CAMSAP1: variants seen among roughly 807,000 people sequenced by gnomAD.
The protein encoded by CAMSAP1 is calmodulin-regulated spectrin-associated protein 1.
A neutral mutation model predicts 143.5 loss-of-function variants in CAMSAP1; 58 were observed. The observed-to-expected ratio is 0.40, with a 90% CI of 0.33 to 0.50. The LOEUF is 0.50. Ranked by LOEUF, CAMSAP1 falls within the 20% of genes least tolerant of loss-of-function variation. The pLI is 0.45. For missense variants in CAMSAP1, 1,969 were observed against 2,115.7 expected (o/e 0.93, Z 1.36); for synonymous variants, 945 against 859.3 (o/e 1.10, Z -1.74).
intron 11 of CAMSAP1, among the ~76,000 whole-genome samples, chr9:135,819,833 C>A (rs1012482220): frequency 2.6e-5 from 4 of 151,618 alleles, no homozygotes; most frequent in African/African-American, 9.7e-5. Context: ...GGCGACAGAG[C>A]CAGACTCTGT....
Position 135,850,311 on chromosome 9 carries a change from T to C in CAMSAP1, c.948+11A>G, listed in dbSNP as rs765754889. The C allele has an allele frequency of 3.5e-5, 56 of 1,610,218 alleles. No individual in the cohort carries two copies. The highest frequency in any genetic ancestry group is 4.6e-5 in the Non-Finnish European group (54 of 1,178,286). ...GGTTTTAAAACTGCATGCCAAATAA[T>C]TCGTTATTACCTTCAACACTAATGG... On this transcript the variant is annotated intron_variant, in intron 6 of 16. Transcript: ENST00000389532.
In CAMSAP1 at chr9:135,809,862, T is replaced by C. The variant is rs1034235825; in HGVS notation, c.*1447A>G. ...AGGAAAGGGGAATAAGACCTATAAT[T>C]CCTTCTAGCCTTCTGTACCATGTTC... On this transcript the variant is annotated 3_prime_UTR_variant, in exon 17 of 17. Transcript: ENST00000389532. 3 of 152,572 alleles carry C rather than the reference T, an allele frequency of 2.0e-5. No homozygotes were observed. Among genetic ancestry groups the C allele is most frequent in the African/African-American group, 4.8e-5 (2 of 41,458 alleles). 9.5% of individuals were successfully genotyped at this position (152,572 alleles called of 1,614,324 possible). A position where few individuals can be genotyped will look rare whatever the true frequency, so the allele number is the denominator to read the frequency against.
At position 135,811,372 on chromosome 9, in the gene CAMSAP1, G is replaced by A. The variant is rs377747568; in HGVS notation, c.4746C>T (p.Ile1582=). ...GCTTGGGCTGCCACAGGTGGTTGTG[G>A]ATTGTGAGTGCGTCCACACTGACAG... ...TMSVSVDALT[I]HNHLWQPKRP... is the part of the protein sequence containing the mutation. Residue 1582 remains isoleucine (I), a synonymous_variant, in exon 17 of 17, where the codon ATC becomes ATT. Transcript: ENST00000389532. This position sits in a 1 kb window ranked among gnomAD's most constrained non-coding sequence, Gnocchi z 4.9. 6.8e-6 allele frequency: 11 copies of A among 1,612,930 alleles called. No homozygotes were observed. Among genetic ancestry groups the A allele is most frequent in the African/African-American group, 1.3e-5 (1 of 74,924 alleles).
At chr9:135,819,689 A>G (rs964847180) in intron 11 of CAMSAP1, among the ~76,000 whole-genome samples, 1 of 151,474 alleles carries the variant, frequency 6.6e-6, no homozygotes, top group Non-Finnish European at 1.5e-5. Context: ...AAAAAAAAAA[A>G]AAAAAAAATT....
In CAMSAP1 at chr9:135,866,159, G is replaced by A. The variant is rs1017770407; in HGVS notation, c.666+297C>T. On this transcript the variant is annotated intron_variant, in intron 4 of 16. Coordinates refer to ENST00000389532, the MANE Select transcript of CAMSAP1 (RefSeq NM_015447.4). ...CCCCCTTGTTTGTTGACTTGTGGAA[G>A]CTAGCACCCAGGTGGGCCCTACGTC... is the stretch of plus-strand genomic sequence containing the variant. Among the ~76,000 whole-genome samples the A allele has an allele frequency of 7.2e-5, 11 of 152,324 alleles. 1 individual carries two copies. In the South Asian group the frequency reaches 1.2e-3, roughly 17 times the overall value.
chr9:135,826,957 CTT>C lies in CAMSAP1; in HGVS notation c.1223+448_1223+449del, dbSNP rs2131674285. Among the ~76,000 whole-genome samples the C allele has an allele frequency of 6.6e-6, 1 of 152,344 alleles. No homozygotes were observed. Among genetic ancestry groups the C allele is most frequent in the African/African-American group, 2.4e-5 (1 of 41,568 alleles). Reference sequence around the variant, plus strand: ...TTTAGCCTTTAAGCAGCTCTATACACTTTTTCACTCGAATCAAATTAATTCTT... The same window carrying C: ...TTTAGCCTTTAAGCAGCTCTATACACTTTCACTCGAATCAAATTAATTCTT... On this transcript the variant is annotated intron_variant, in intron 8 of 16. Transcript: ENST00000389532. The surrounding 1 kb of genome is among the most constrained non-coding windows in gnomAD (Gnocchi z 4.4).
intron 7 of CAMSAP1, chr9:135,837,046 C>T (rs1836084638): frequency 2.8e-6 from 2 of 714,194 alleles, no homozygotes; most frequent in African/African-American, 1.9e-5. Flanking sequence ...TCTAGAGACA[C>T]ACATCATCAT....
intron 14 of CAMSAP1, 45 bp downstream of exon 14, chr9:135,817,932 G>C (rs376962157): frequency 6.5e-7 from 1 of 1,548,868 alleles, no homozygotes; most frequent in Non-Finnish European, 8.9e-7. Flanking sequence ...CTGCCCCTCC[G>C]AACGTCCTCC....
chr9:135,839,975 G>A (rs1171883151), intron 7 of CAMSAP1, among the ~76,000 whole-genome samples: 1 of 152,200 alleles, frequency 6.6e-6, no homozygotes, highest in African/African-American at 2.4e-5. Context: ...AGGTAGGCAG[G>A]TATGGAGACT....
intron 3 of CAMSAP1, among the ~76,000 whole-genome samples, chr9:135,875,211 A>T (rs992438803): frequency 6.8e-6 from 1 of 147,068 alleles, no homozygotes; most frequent in Non-Finnish European, 1.5e-5. Flanking sequence ...AGTGAAAACA[A>T]TTTTTTTTTT....
chr9:135,816,607 C>G (rs1396763883), intron 14 of CAMSAP1, among the ~76,000 whole-genome samples: 1 of 152,224 alleles, frequency 6.6e-6, no homozygotes, highest in Non-Finnish European at 1.5e-5. Context: ...GCCAGGGTAA[C>G]TGACCACCAG....
In CAMSAP1 at chr9:135,852,892, T is replaced by C; in HGVS notation, c.809-2431A>G. Among the ~76,000 whole-genome samples, 2 of 152,020 alleles carry C rather than the reference T, an allele frequency of 1.3e-5. 1 individual carries two copies. The highest frequency in any genetic ancestry group is 6.8e-3 in the Middle Eastern group (2 of 294). ...GGCCATCCGGATATAAACAAACACA[T>C]GAATAAAGAAGCAAGCAAGTGGGGC... On this transcript the variant is annotated intron_variant, in intron 5 of 16. Coordinates refer to ENST00000389532, the MANE Select transcript of CAMSAP1 (RefSeq NM_015447.4).
chr9:135,836,175 T>G, intron 7 of CAMSAP1: 2 of 985,350 alleles, frequency 2.0e-6, no homozygotes, highest in Non-Finnish European at 2.4e-6. Flanking sequence ...CAGACGCACA[T>G]CACCACATAC....
intron 1 of CAMSAP1, among the ~76,000 whole-genome samples, chr9:135,899,927 A>C (rs1838567686): frequency 1.3e-5 from 2 of 152,142 alleles, no homozygotes; most frequent in Non-Finnish European, 1.5e-5. Flanking sequence ...GCCCGTCATT[A>C]TGGGTCTCTG....
intron 1 of CAMSAP1, among the ~76,000 whole-genome samples, chr9:135,893,635 C>G (rs1838357173): frequency 6.6e-6 from 1 of 152,102 alleles, no homozygotes. Context: ...GGGGCAGAAA[C>G]AGTAAACATA....
intron 1 of CAMSAP1, among the ~76,000 whole-genome samples, chr9:135,894,679 G>A (rs1377993113): frequency 2.0e-5 from 3 of 152,236 alleles, no homozygotes; most frequent in Non-Finnish European, 4.4e-5. Flanking sequence ...AGGCCTGCAT[G>A]CTAAACCTGA....
At chr9:135,881,120 A>C (rs1837931696) in intron 3 of CAMSAP1, among the ~76,000 whole-genome samples, 1 of 151,992 alleles carries the variant, frequency 6.6e-6, no homozygotes, top group South Asian at 2.1e-4. Flanking sequence ...AGGAGGGAGG[A>C]CTGTTTGGGC....
intron 1 of CAMSAP1, among the ~76,000 whole-genome samples, chr9:135,905,711 G>A (rs1386040793): frequency 6.6e-6 from 1 of 152,248 alleles, no homozygotes; most frequent in African/African-American, 2.4e-5. Context: ...CTAGTTCGTG[G>A]TGTAAGCACA....
chr9:135,881,197 A>T (rs1055241600), intron 3 of CAMSAP1, among the ~76,000 whole-genome samples: 4 of 151,718 alleles, frequency 2.6e-5, no homozygotes, highest in African/African-American at 4.8e-5. Context: ...TAAAAAAAAT[A>T]AAAAAATTAA....
Sources: gnomAD v4.1 joint callset for allele counts (sites outside exome capture counted in the v4.1 genomes callset) on GRCh38, gnomAD v4.1.1 for gene constraint, Gnocchi (gnomAD v3.1) non-coding constraint, MANE v1.5 for transcripts, NCBI Gene and HGNC (gene_info 2026-07-23, HGNC 2026-07-21) for gene names.